The following NCR1 variants were observed in gnomAD, a reference collection of about 807,000 sequenced individuals.
NCR1 encodes the protein natural cytotoxicity triggering receptor 1.
Under a neutral mutation model 32.5 loss-of-function variants are expected in NCR1, and 30 were observed. The ratio of observed to expected loss-of-function variants is 0.92; its 90% CI spans 0.69 to 1.25. The LOEUF (loss-of-function observed/expected upper bound fraction) is 1.25, where lower values mean the gene tolerates loss of function less well. NCR1 is among the 50% of genes most tolerant of loss of function. NCR1 has a pLI of 0.00. For synonymous variants in NCR1, 169 were observed against 143.4 expected, an observed-to-expected ratio of 1.18 and a Z score of -1.28; for missense variants, 369 against 380.7, an observed-to-expected ratio of 0.97 and a Z score of 0.26.
chr19:54,934,620 T>C, the NCR1 span: 1 of 1,614,002 alleles, frequency 6.2e-7, no homozygotes, highest in Admixed American at 1.7e-5. This position sits in a 1 kb window ranked among gnomAD's most constrained non-coding sequence, Gnocchi z 6.7. Context: ...CATAGAAGAA[T>C]TCAGCCCACT....
chr19:54,910,171 TC>T (rs999637725), intron 5 of NCR1, 106 bp downstream of exon 5: 2 of 1,125,814 alleles, frequency 1.8e-6, no homozygotes, highest in African/African-American at 3.1e-5. Context: ...GCGTGGTGGC[TC>T]ACGCCTGTAA....
At chr19:54,906,272 A>G (rs765561771) in intron 1 of NCR1, 27 bp from the exon 2 acceptor site, 10 of 1,614,002 alleles carry the variant, frequency 6.2e-6, no homozygotes, top group Admixed American at 1.7e-5. Context: ...CTGGGAGGCA[A>G]CAGGTCTCAT....
At chr19:54,918,983 A>T (rs889302923), downstream of NCR1, among the ~76,000 whole-genome samples, 17 of 75,352 alleles carry the variant, frequency 2.3e-4, no homozygotes, top group Non-Finnish European at 2.3e-4. Context: ...AAACTGTCTT[A>T]AAAAAAAAAA....
chr19:54,929,423 C>G, the NCR1 span, among the ~76,000 whole-genome samples: 1 of 152,040 alleles, frequency 6.6e-6, no homozygotes, highest in East Asian at 1.9e-4. Flanking sequence ...TACAGCAAAG[C>G]TAAGTAGTAA....
chr19:54,935,281 G>A, the NCR1 span, among the ~76,000 whole-genome samples: 117 of 152,114 alleles, frequency 7.7e-4, 1 homozygote, highest in African/African-American at 2.6e-3. Flanking sequence ...CCAGGCTGGA[G>A]TGCAGTGGCA....
At chr19:54,921,988 C>T in the NCR1 span, among the ~76,000 whole-genome samples, 7 of 151,872 alleles carry the variant, frequency 4.6e-5, no homozygotes, top group South Asian at 2.1e-4. Context: ...ACTCCGCCTC[C>T]CGGGTTCAAG....
intron 4 of NCR1, 71 bp from the exon 5 acceptor site, chr19:54,909,947 A>AC: frequency 7.3e-7 from 1 of 1,364,404 alleles, no homozygotes; most frequent in East Asian, 2.3e-5. Context: ...AAAAAAAAAA[A>AC]AAAAAAAAAG....
chr19:54,937,551 T>C, the NCR1 span, among the ~76,000 whole-genome samples: 100 of 150,790 alleles, frequency 6.6e-4, no homozygotes, highest in African/African-American at 2.4e-3. Context: ...GATTAAGTCA[T>C]TGCACTCCAG....
Position 54,909,492 on chromosome 19 carries a change from C to T in NCR1, c.603C>T (p.Phe201=). 1 of 1,607,692 alleles carries T rather than the reference C, an allele frequency of 6.2e-7. No homozygotes were observed. The highest frequency in any genetic ancestry group is 1.7e-4 in the Middle Eastern group (1 of 6,060). ...CCTATAACAACCATGCCTGGTCTTT[C>T]CCCAGTGAGCCAGTGAAGCTCCTGG... is the stretch of plus-strand genomic sequence containing the variant. ...FGSYNNHAWS[F]PSEPVKLLVT... Residue 201 remains phenylalanine, a synonymous_variant, in exon 4 of 7, where the codon TTC becomes TTT. Transcript: ENST00000291890.
the NCR1 span, among the ~76,000 whole-genome samples, chr19:54,937,294 A>G: frequency 6.6e-6 from 1 of 152,006 alleles, no homozygotes; most frequent in Non-Finnish European, 1.5e-5. Context: ...TTGGGTGACA[A>G]AATAATCTGT....
chr19:54,900,396 G>A, the NCR1 span, among the ~76,000 whole-genome samples: 9 of 152,286 alleles, frequency 5.9e-5, no homozygotes, highest in African/African-American at 2.2e-4. Context: ...TTCACAAGGT[G>A]CTCAGTAGGG....
At chr19:54,919,530 A>G (rs992716427), downstream of NCR1, among the ~76,000 whole-genome samples, 1 of 152,144 alleles carries the variant, frequency 6.6e-6, no homozygotes, top group Non-Finnish European at 1.5e-5. Context: ...ACTGCTATCT[A>G]GAAGGCAGAG....
At chr19:54,908,234 T>A (rs969126375) in intron 3 of NCR1, among the ~76,000 whole-genome samples, 2 of 152,112 alleles carry the variant, frequency 1.3e-5, no homozygotes, top group Admixed American at 1.3e-4. Flanking sequence ...ACAAAGCACA[T>A]CTTGCACCGC....
At chr19:54,903,399 T>C (rs951843226), upstream of NCR1, among the ~76,000 whole-genome samples, 5,041 of 139,272 alleles carry the variant, frequency 0.036, 110 homozygotes, top group African/African-American at 0.081. Flanking sequence ...CATATATGTA[T>C]ATGTATGTAT....
the NCR1 span, among the ~76,000 whole-genome samples, chr19:54,922,953 G>A: frequency 0.086 from 13,050 of 151,548 alleles, 589 homozygotes; most frequent in South Asian, 0.12. Context: ...GAAACAAAGA[G>A]AGACACACAG....
Position 54,913,053 on chromosome 19 carries a change from T to TTA in NCR1, c.*183_*184insAT. On this transcript the variant is annotated 3_prime_UTR_variant, in exon 7 of 7. Coordinates refer to ENST00000291890, the MANE Select transcript of NCR1 (RefSeq NM_004829.7). ...AGGGTGGGAGAACTACATGCTAAAT[T>TTA]TCTTTTTTTTTTTTTTTGAGACAGA... 1 of 506,420 alleles carries TTA rather than the reference T, an allele frequency of 2.0e-6. No homozygotes were observed. The highest frequency in any genetic ancestry group is 3.2e-6 in the Non-Finnish European group (1 of 314,864). The allele number at this position is 506,420 out of a possible 1,614,324, so 31.4% of individuals were successfully genotyped here. A position where few individuals can be genotyped will look rare whatever the true frequency, so the allele number is the denominator to read the frequency against.
the NCR1 span, among the ~76,000 whole-genome samples, chr19:54,926,947 AG>A: frequency 2.1e-5 from 3 of 143,584 alleles, no homozygotes; most frequent in Non-Finnish European, 4.5e-5. Context: ...AAAATTAGCC[AG>A]CTGTGGTGGT....
At chr19:54,924,719 T>A in the NCR1 span, among the ~76,000 whole-genome samples, 3 of 152,156 alleles carry the variant, frequency 2.0e-5, no homozygotes, top group Non-Finnish European at 2.9e-5. Context: ...GCAGATCACC[T>A]GAGGTCAGGA....
the NCR1 span, among the ~76,000 whole-genome samples, chr19:54,924,555 C>T: frequency 6.6e-6 from 1 of 152,118 alleles, no homozygotes; most frequent in African/African-American, 2.4e-5. Context: ...GCCCAGGAGG[C>T]GGAGGTTGCA....
Sources: allele counts gnomAD v4.1 joint callset (sites outside exome capture counted in the v4.1 genomes callset), GRCh38; gene constraint gnomAD v4.1.1; non-coding constraint Gnocchi (gnomAD v3.1); transcripts MANE v1.5; gene names NCBI Gene and HGNC (gene_info 2026-07-23, HGNC 2026-07-21).